Variants in EBF1 observed in about 807,000 individuals in gnomAD.
EBF1 encodes transcription factor COE1.
In EBF1, 10 loss-of-function variants were observed where a neutral mutation model predicts 68.4. The ratio of observed to expected loss-of-function variants is 0.15; its 90% CI spans 0.09 to 0.25. The LOEUF (loss-of-function observed/expected upper bound fraction) is 0.25. Ranked by LOEUF, EBF1 falls within the 10% of genes least tolerant of loss-of-function variation. The pLI is 1.00. For missense variants in EBF1, 509 were observed against 794.4 expected, an observed-to-expected ratio of 0.64 and a Z score of 4.32; for synonymous variants, 298 against 299.8, an observed-to-expected ratio of 0.99 and a Z score of 0.06.
chr5:158,869,743 A>T (rs759486157), intron 6 of EBF1, among the ~76,000 whole-genome samples: 39 of 152,152 alleles, frequency 2.6e-4, no homozygotes, highest in Non-Finnish European at 4.9e-4. Flanking sequence ...CATGCATGAC[A>T]TATTCACTAC....
chr5:158,881,046 G>A (rs1261534160), intron 6 of EBF1, among the ~76,000 whole-genome samples: 1 of 152,162 alleles, frequency 6.6e-6, no homozygotes, highest in Non-Finnish European at 1.5e-5. Flanking sequence ...AGAGAGGAAG[G>A]TTCAGAACAG....
chr5:159,009,213 A>G (rs976863630), intron 6 of EBF1, among the ~76,000 whole-genome samples: 2 of 152,200 alleles, frequency 1.3e-5, no homozygotes, highest in African/African-American at 4.8e-5. Context: ...TAAAACTCAG[A>G]TGTCTTCATT....
At chr5:158,913,571 G>A (rs984425500) in intron 6 of EBF1, among the ~76,000 whole-genome samples, 1 of 152,112 alleles carries the variant, frequency 6.6e-6, no homozygotes, top group African/African-American at 2.4e-5. Context: ...TTGGGGAGAG[G>A]TTGTGTAAAC....
Position 158,902,182 on chromosome 5 carries a change from T to G in EBF1, c.555-62072A>C, listed in dbSNP as rs554412224. 2.6e-5 allele frequency among the ~76,000 whole-genome samples: 4 copies of G among 152,260 alleles called. No individual in the cohort carries two copies. In the South Asian group the frequency reaches 8.3e-4, roughly 32 times the overall value. Reference sequence around the variant, plus strand: ...TCTACTGAGAGTAAGAAGTGCTTGTTTATGTATTTTTTTACTGCTGTCGAG... The same window carrying G: ...TCTACTGAGAGTAAGAAGTGCTTGTGTATGTATTTTTTTACTGCTGTCGAG... On this transcript the variant is annotated intron_variant, in intron 6 of 15. Coordinates refer to ENST00000313708, the MANE Select transcript of EBF1 (RefSeq NM_024007.5).
Position 159,097,184 on chromosome 5 carries a change from C to T in EBF1, c.135-54G>A. ...CTAAACCGGACGCCGACCCGCGCCC[C>T]TTGTCACCCTGTACACACACTCGAA... is the stretch of plus-strand genomic sequence containing the variant. On this transcript the variant is annotated intron_variant, in intron 1 of 15. Coordinates refer to ENST00000313708, the MANE Select transcript of EBF1 (RefSeq NM_024007.5). 1.9e-5 allele frequency: 30 copies of T among 1,568,354 alleles called. No homozygotes were observed. In the South Asian group the frequency reaches 3.1e-4, roughly 16 times the overall value.
At chr5:158,930,365 A>C (rs182795060) in intron 6 of EBF1, among the ~76,000 whole-genome samples, 1 of 152,116 alleles carries the variant, frequency 6.6e-6, no homozygotes, top group East Asian at 1.9e-4. Flanking sequence ...GCAAATGACT[A>C]ATCAAGGAAA....
chr5:158,760,730 C>A (rs1306641895), intron 10 of EBF1, among the ~76,000 whole-genome samples: 2 of 152,122 alleles, frequency 1.3e-5, no homozygotes, highest in Non-Finnish European at 2.9e-5. Flanking sequence ...ATACTCCCAG[C>A]AGCAAGCCGC....
intron 6 of EBF1, among the ~76,000 whole-genome samples, chr5:158,884,499 G>A (rs1799615935): frequency 6.6e-6 from 1 of 152,142 alleles, no homozygotes; most frequent in South Asian, 2.1e-4. Context: ...GCTCACTGCT[G>A]AAGACATAAA....
intron 6 of EBF1, among the ~76,000 whole-genome samples, chr5:158,894,230 A>G (rs189362325): frequency 1.3e-5 from 2 of 152,284 alleles, no homozygotes; most frequent in East Asian, 3.9e-4. Context: ...TTCTCTATGC[A>G]TTTCTGATAC....
intron 6 of EBF1, among the ~76,000 whole-genome samples, chr5:158,959,345 G>T (rs1211016333): frequency 1.3e-5 from 2 of 148,388 alleles, no homozygotes; most frequent in African/African-American, 5.0e-5. Context: ...TAGTTGGAGT[G>T]CAGTGGCTTG....
chr5:158,818,054 A>G (rs114017701), intron 8 of EBF1, among the ~76,000 whole-genome samples: 2,343 of 152,248 alleles, frequency 0.015, 58 homozygotes, highest in African/African-American at 0.054. Context: ...AAAATAGTAC[A>G]TGCTAAAAGG....
chr5:158,954,542 G>A (rs1081072), intron 6 of EBF1, among the ~76,000 whole-genome samples: 3,553 of 152,336 alleles, frequency 0.023, 141 homozygotes, highest in African/African-American at 0.082. Context: ...GCAAGAGAGG[G>A]TTTGGTATTG....
chr5:158,823,901 T>A (rs1214753241), intron 7 of EBF1, among the ~76,000 whole-genome samples: 1 of 151,054 alleles, frequency 6.6e-6, no homozygotes, highest in Admixed American at 6.6e-5. Context: ...CCCCAAAAAA[T>A]TCCTGCTAAT....
intron 8 of EBF1, among the ~76,000 whole-genome samples, chr5:158,822,269 G>T (rs1481304877): frequency 1.3e-5 from 1 of 75,826 alleles, no homozygotes; most frequent in East Asian, 5.1e-4. Context: ...CGGATGGACG[G>T]ATGGATGGAT....
intron 6 of EBF1, among the ~76,000 whole-genome samples, chr5:158,842,076 G>A (rs992853447): frequency 2.6e-5 from 4 of 152,116 alleles, no homozygotes; most frequent in South Asian, 2.1e-4. Context: ...CTCCTTTTCC[G>A]GTACCAAGAC....
intron 15 of EBF1, among the ~76,000 whole-genome samples, chr5:158,706,704 G>A (rs1215345177): frequency 6.6e-6 from 1 of 152,144 alleles, no homozygotes; most frequent in African/African-American, 2.4e-5. Context: ...AGACACTGTG[G>A]GAAACTTTGT....
intron 11 of EBF1, 92 bp from the exon 12 acceptor site, chr5:158,714,274 T>G: frequency 6.8e-7 from 1 of 1,468,238 alleles, no homozygotes; most frequent in Non-Finnish European, 9.5e-7. Context: ...CTGGCCATAC[T>G]TTGCCAAGGC....
intron 4 of EBF1, among the ~76,000 whole-genome samples, chr5:159,090,774 A>G (rs1050604780): frequency 5.9e-5 from 9 of 151,920 alleles, no homozygotes; most frequent in African/African-American, 2.2e-4. Context: ...CACCTACATT[A>G]GTAAATACAA....
chr5:159,033,296 G>A lies in EBF1; in HGVS notation c.554+40100C>T, dbSNP rs547830319. On this transcript the variant is annotated intron_variant, in intron 6 of 15. Coordinates refer to ENST00000313708, the MANE Select transcript of EBF1 (RefSeq NM_024007.5). ...GCCCCAGCTTTTCCTACCATTAATC[G>A]TAAGATTAGATCCTGGATACAGAAA... Among the ~76,000 whole-genome samples, 6 of 152,264 alleles carry A rather than the reference G, an allele frequency of 3.9e-5. No homozygotes were observed. The South Asian group carries it at 8.3e-4, about 21-fold the overall frequency.
Sources: allele counts gnomAD v4.1 joint callset (sites outside exome capture counted in the v4.1 genomes callset), GRCh38; gene constraint gnomAD v4.1.1; transcripts MANE v1.5; gene names NCBI Gene and HGNC (gene_info 2026-07-23, HGNC 2026-07-21).